FAT3: variants seen among roughly 807,000 people sequenced by gnomAD.
FAT3 encodes protocadherin Fat 3.
A neutral mutation model predicts 310.2 loss-of-function variants in FAT3; 95 were observed. That is an observed-to-expected ratio of 0.31 (90% confidence interval 0.26 to 0.36). FAT3 has a LOEUF of 0.36. Among genes scored for constraint, FAT3 ranks in the 10% least tolerant of loss-of-function variants. FAT3 has a pLI of 1.00. For missense variants in FAT3, 5,408 were observed against 5,715.6 expected (o/e 0.95, Z 1.74); for synonymous variants, 2,314 against 2,192.9 (o/e 1.06, Z -1.54).
intron 3 of FAT3, among the ~76,000 whole-genome samples, chr11:92,546,949 T>G (rs750437864): frequency 2.0e-5 from 3 of 152,188 alleles, no homozygotes; most frequent in African/African-American, 4.8e-5. Flanking sequence ...CAAAACGAAT[T>G]CAATTAGATT....
At chr11:92,844,819 A>G in intron 19 of FAT3, 87 bp downstream of exon 19, 1 of 1,353,818 alleles carries the variant, frequency 7.4e-7, no homozygotes, top group Non-Finnish European at 9.9e-7. Context: ...GCATTCAATC[A>G]TTCGTTCAAC....
chr11:92,503,615 A>G (rs950154967), intron 2 of FAT3, among the ~76,000 whole-genome samples: 4 of 152,102 alleles, frequency 2.6e-5, no homozygotes, highest in Admixed American at 6.6e-5. Flanking sequence ...TCTAGAATCA[A>G]TCTCTCAACC....
intron 3 of FAT3, among the ~76,000 whole-genome samples, chr11:92,662,110 G>A (rs1219412989): frequency 6.6e-6 from 1 of 152,168 alleles, no homozygotes; most frequent in African/African-American, 2.4e-5. Context: ...AGAAGGAGTT[G>A]TGTTTTATTA....
chr11:92,451,708 G>C (rs1037463234), intron 2 of FAT3, among the ~76,000 whole-genome samples: 3 of 152,114 alleles, frequency 2.0e-5, no homozygotes, highest in Admixed American at 1.3e-4. Context: ...TGAAACAGAG[G>C]GAAGTGAATA....
intron 3 of FAT3, among the ~76,000 whole-genome samples, chr11:92,589,372 T>C (rs1424308601): frequency 6.6e-6 from 1 of 152,098 alleles, no homozygotes; most frequent in South Asian, 2.1e-4. Context: ...CACAGATCCA[T>C]GTGTTATGGC....
chr11:92,354,047 A>G lies in FAT3; in HGVS notation c.1935A>G (p.Lys645=). The G allele has an allele frequency of 1.2e-6, 2 of 1,613,544 alleles. No homozygotes were observed. Among genetic ancestry groups the G allele is most frequent in the Non-Finnish European group, 1.7e-6 (2 of 1,179,730 alleles). The change falls in exon 2 of 28, where the codon AAA becomes AAG. Residue 645 remains lysine (K), a synonymous_variant. Transcript: ENST00000525166. The part of the protein sequence containing the change: ...LKKSLTNSGI[K]NGNFALRITA... ...AATCACTGACAAATTCTGGCATTAAAAATGGCAATTTTGCCCTCAGAATTA... is the reference window on the plus strand; with the variant it reads ...AATCACTGACAAATTCTGGCATTAAGAATGGCAATTTTGCCCTCAGAATTA...
rs2136084524 is a variant in FAT3, at chr11:92,761,973, C to G, written c.3787C>G (p.Leu1263Val). 6.2e-7 allele frequency: 1 copy of G among 1,613,980 alleles called. No individual in the cohort carries two copies. Among genetic ancestry groups the G allele is most frequent in the African/African-American group, 1.3e-5 (1 of 75,030 alleles). The change falls in exon 5 of 28, where the codon CTG (leucine) becomes GTG (valine). Residue 1263 changes from leucine to valine, a missense_variant. Transcript: ENST00000525166. ...QFPEKVYQIK[L>V]PERDRKKRGE... Reference sequence around the variant, plus strand: ...CCCAGAGAAGGTCTACCAGATCAAGCTGCCAGAACGTGACCGAAAGAAGAG... The same window carrying G: ...CCCAGAGAAGGTCTACCAGATCAAGGTGCCAGAACGTGACCGAAAGAAGAG...
At chr11:92,840,350 A>G (rs755305842) in intron 17 of FAT3, among the ~76,000 whole-genome samples, 13 of 152,210 alleles carry the variant, frequency 8.5e-5, no homozygotes, top group Non-Finnish European at 1.3e-4. Context: ...GGAAGCAGCC[A>G]AAGATAAGGA....
intron 3 of FAT3, among the ~76,000 whole-genome samples, chr11:92,536,517 T>C (rs541958972): frequency 5.3e-5 from 8 of 152,304 alleles, no homozygotes; most frequent in African/African-American, 1.9e-4. Context: ...TGGCTTGCTA[T>C]TAACATTAAA....
At chr11:92,807,285 T>G (rs536150427) in intron 12 of FAT3, among the ~76,000 whole-genome samples, 1 of 152,298 alleles carries the variant, frequency 6.6e-6, no homozygotes, top group Non-Finnish European at 1.5e-5. Flanking sequence ...CTTCCAAATT[T>G]TTTTTAATTC....
At chr11:92,870,979 A>T (rs1043087871) in intron 22 of FAT3, among the ~76,000 whole-genome samples, 4 of 152,154 alleles carry the variant, frequency 2.6e-5, no homozygotes, top group Non-Finnish European at 4.4e-5. Flanking sequence ...AGAGGGGCTA[A>T]GTCGGTAGCC....
rs1240389621 is a variant in FAT3 at position 92,800,370 on chromosome 11, T to C, written c.7357T>C (p.Leu2453=). Residue 2453 remains leucine (L), a synonymous_variant, in exon 10 of 28, where the codon TTG becomes CTG. Coordinates refer to ENST00000525166, the MANE Select transcript of FAT3 (RefSeq NM_001367949.2). The part of the protein sequence containing the change: ...LMDSKSGVIT[L]SNHRKQRMEP... ...GGACAGCAAGAGTGGAGTTATCACA[T>C]TGTCCAACCATCGGAAGCAGCGGAT... is the stretch of plus-strand genomic sequence containing the variant. 5 of 1,613,978 alleles carry C rather than the reference T, an allele frequency of 3.1e-6. No homozygotes were observed. The highest frequency in any genetic ancestry group is 1.1e-5 in the South Asian group (1 of 91,088).
chr11:92,247,277 C>T (rs911854325), intron 1 of FAT3, among the ~76,000 whole-genome samples: 2 of 151,812 alleles, frequency 1.3e-5, no homozygotes, highest in East Asian at 2.0e-4. Flanking sequence ...CTTACCTGAA[C>T]CTGTATCTGC....
chr11:92,639,653 G>A (rs1364390512), intron 3 of FAT3, among the ~76,000 whole-genome samples: 4 of 152,158 alleles, frequency 2.6e-5, no homozygotes, highest in Admixed American at 2.6e-4. Context: ...TGAGTTGTGT[G>A]AGTCTACTCA....
At chr11:92,324,320 G>A (rs557484072) in intron 1 of FAT3, among the ~76,000 whole-genome samples, 1 of 152,260 alleles carries the variant, frequency 6.6e-6, no homozygotes, top group South Asian at 2.1e-4. Context: ...TCCTTACTAA[G>A]CTTAATCATT....
intron 2 of FAT3, among the ~76,000 whole-genome samples, chr11:92,482,075 G>T (rs189482424): frequency 1.1e-4 from 17 of 151,990 alleles, no homozygotes; most frequent in Admixed American, 9.8e-4. Flanking sequence ...GTTCTTAAAC[G>T]TGGTCTTTTT....
At chr11:92,249,356 G>A (rs376820559) in intron 1 of FAT3, among the ~76,000 whole-genome samples, 1 of 152,080 alleles carries the variant, frequency 6.6e-6, no homozygotes, top group African/African-American at 2.4e-5. Flanking sequence ...GCAGAGGCAC[G>A]TGCAATCTGA....
intron 13 of FAT3, 114 bp from the exon 14 acceptor site, chr11:92,831,508 G>A: frequency 3.5e-6 from 3 of 854,978 alleles, no homozygotes; most frequent in Non-Finnish European, 3.5e-6. Flanking sequence ...GTCTGTTTCT[G>A]TAATAACTAT....
chr11:92,380,323 G>A (rs1254671803), intron 2 of FAT3, among the ~76,000 whole-genome samples: 2 of 152,050 alleles, frequency 1.3e-5, no homozygotes, highest in Non-Finnish European at 2.9e-5. Context: ...CACTTGCTCT[G>A]TGGTTCTCAG....
Sources: gnomAD v4.1 joint callset for allele counts (sites outside exome capture counted in the v4.1 genomes callset) on GRCh38, gnomAD v4.1.1 for gene constraint, MANE v1.5 for transcripts, NCBI Gene and HGNC (gene_info 2026-07-23, HGNC 2026-07-21) for gene names.